Variants in DOCK3 observed in about 807,000 individuals in gnomAD.
DOCK3 encodes dedicator of cytokinesis 3.
Under a neutral mutation model 265.6 loss-of-function variants are expected in DOCK3, and 60 were observed. The ratio of observed to expected loss-of-function variants is 0.23; its 90% confidence interval spans 0.18 to 0.28. The LOEUF (loss-of-function observed/expected upper bound fraction) is 0.28, where lower values mean the gene tolerates loss of function less well. Ranked by LOEUF, DOCK3 falls within the 10% of genes least tolerant of loss-of-function variation. The pLI is 1.00. For synonymous variants in DOCK3, 881 were observed against 938.0 expected, an observed-to-expected ratio of 0.94 and a Z score of 1.11; for missense variants, 1,981 against 2,594.3, an observed-to-expected ratio of 0.76 and a Z score of 5.14.
intron 2 of DOCK3, among the ~76,000 whole-genome samples, chr3:50,807,467 A>G (rs1180881884): frequency 6.6e-6 from 1 of 151,188 alleles, no homozygotes; most frequent in East Asian, 1.9e-4. Context: ...TGACCCAGAC[A>G]CCTCCCATTG....
At chr3:50,901,637 G>C (rs763554432) in intron 4 of DOCK3, 1 of 453,886 alleles carries the variant, frequency 2.2e-6, no homozygotes, top group African/African-American at 2.0e-5. Flanking sequence ...TGTGGATTGC[G>C]AGGACCATGG....
intron 5 of DOCK3, among the ~76,000 whole-genome samples, chr3:50,955,597 A>G (rs1048057010): frequency 2.0e-5 from 3 of 152,132 alleles, no homozygotes; most frequent in African/African-American, 7.2e-5. Flanking sequence ...AAAACCAAAT[A>G]CTGGATGTTC....
intron 23 of DOCK3, among the ~76,000 whole-genome samples, chr3:51,263,020 C>T (rs2079945318): frequency 6.6e-6 from 1 of 152,144 alleles, no homozygotes; most frequent in African/African-American, 2.4e-5. Flanking sequence ...AGGAGAACTT[C>T]CTCAACCTAG....
At chr3:51,326,115 C>A (rs2084093111) in intron 32 of DOCK3, among the ~76,000 whole-genome samples, 1 of 151,646 alleles carries the variant, frequency 6.6e-6, no homozygotes. Context: ...TTTGTAATAT[C>A]CCTTTTTTGG....
intron 6 of DOCK3, among the ~76,000 whole-genome samples, chr3:51,070,943 G>A (rs4613496): frequency 0.9 from 137,096 of 152,122 alleles, 61,967 homozygotes; most frequent in African/African-American, 0.95. Context: ...TCCTGAAACT[G>A]TCCTAACCCC....
intron 20 of DOCK3, 29 bp downstream of exon 20, chr3:51,236,457 T>C: frequency 6.4e-7 from 1 of 1,569,008 alleles, no homozygotes; most frequent in South Asian, 1.2e-5. Flanking sequence ...TCTTTACTTT[T>C]ATTAATTATT....
intron 12 of DOCK3, among the ~76,000 whole-genome samples, chr3:51,205,610 G>A (rs2089154166): frequency 6.6e-6 from 1 of 152,104 alleles, no homozygotes; most frequent in South Asian, 2.1e-4. Context: ...ACTGAGGTAG[G>A]GGGATCACCT....
chr3:50,991,385 T>G (rs1338122696), intron 5 of DOCK3, among the ~76,000 whole-genome samples: 1 of 152,094 alleles, frequency 6.6e-6, no homozygotes. Context: ...AGGCTCAAAA[T>G]AAAGGGATGG....
rs999064750 is a variant in DOCK3 at position 50,773,882 on chromosome 3, G to A, written c.38-4793G>A. 2.0e-5 allele frequency among the ~76,000 whole-genome samples: 3 copies of A among 151,954 alleles called. No homozygotes were observed. The East Asian group carries it at 5.8e-4, about 29-fold the overall frequency. ...TCTGATGTTTCTTAACAATTCCCAA[G>A]CCTGTACAATATTAAGTGATAGAGC... is the stretch of plus-strand genomic sequence containing the variant. On this transcript the variant is annotated intron_variant, in intron 1 of 52. Transcript: ENST00000266037.
In DOCK3 at chr3:50,841,655, T is replaced by C. The variant is rs374134140; in HGVS notation, c.122-20T>C. Reference sequence around the variant, plus strand: ...GAACATGACATTGTGATTTTAATATTCTCTTATGCTTTGTTTTAGGTTGGT... The same window carrying C: ...GAACATGACATTGTGATTTTAATATCCTCTTATGCTTTGTTTTAGGTTGGT... On this transcript the variant is annotated intron_variant, in intron 2 of 52. Coordinates refer to ENST00000266037, the MANE Select transcript of DOCK3 (RefSeq NM_004947.5). 47 of 1,267,492 alleles carry C rather than the reference T, an allele frequency of 3.7e-5. No homozygotes were observed. In the African/African-American group the frequency reaches 6.5e-4, roughly 18 times the overall value. 78.5% of individuals were successfully genotyped at this position (1,267,492 alleles called of 1,614,324 possible).
At chr3:50,971,668 A>G (rs1041285298) in intron 5 of DOCK3, among the ~76,000 whole-genome samples, 3 of 152,060 alleles carry the variant, frequency 2.0e-5, no homozygotes, top group African/African-American at 7.2e-5. Flanking sequence ...CTGAGGCAGA[A>G]GCAGATGTGT....
At position 50,866,413 on chromosome 3, in the gene DOCK3, A is replaced by T. The variant is rs568671339; in HGVS notation, c.163-23613A>T. ...GGCAGAAGAATCCCTTGAACCAGGGAGTCAGAGGTTGTGGTTAGCTGAGAT... is the reference window on the plus strand; with the variant it reads ...GGCAGAAGAATCCCTTGAACCAGGGTGTCAGAGGTTGTGGTTAGCTGAGAT... On this transcript the variant is annotated intron_variant, in intron 3 of 52. Coordinates refer to ENST00000266037, the MANE Select transcript of DOCK3 (RefSeq NM_004947.5). Among the ~76,000 whole-genome samples the T allele has an allele frequency of 3.3e-5, 5 of 151,574 alleles. No individual in the cohort carries two copies. The South Asian group carries it at 1.0e-3, about 32-fold the overall frequency.
intron 23 of DOCK3, 84 bp from the exon 24 acceptor site, chr3:51,270,731 C>A: frequency 7.1e-7 from 1 of 1,409,470 alleles, no homozygotes; most frequent in Non-Finnish European, 9.6e-7. Context: ...CTCAGCCTCT[C>A]ACCACCTTGT....
intron 49 of DOCK3, among the ~76,000 whole-genome samples, chr3:51,367,967 T>A (rs2087362200): frequency 6.6e-6 from 1 of 152,220 alleles, no homozygotes; most frequent in Admixed American, 6.5e-5. Flanking sequence ...CAATTATGTG[T>A]CTTGGAGTTG....
chr3:51,253,448 C>G (rs923820614), intron 22 of DOCK3, among the ~76,000 whole-genome samples: 1 of 152,120 alleles, frequency 6.6e-6, no homozygotes, highest in East Asian at 1.9e-4. Context: ...GGTACCAGCT[C>G]CTCTTTATAC....
intron 9 of DOCK3, among the ~76,000 whole-genome samples, chr3:51,123,635 G>T (rs2084133733): frequency 6.6e-6 from 1 of 152,184 alleles, no homozygotes; most frequent in Admixed American, 6.5e-5. Context: ...TTCCAGCAAT[G>T]AAAATGTAGC....
intron 9 of DOCK3, among the ~76,000 whole-genome samples, chr3:51,092,580 C>T (rs1054241315): frequency 2.6e-5 from 4 of 152,210 alleles, no homozygotes; most frequent in Non-Finnish European, 4.4e-5. Flanking sequence ...CAGCTGTGGG[C>T]GCAGCTTCAG....
In DOCK3 at chr3:51,272,443, A is replaced by ATT. The variant is rs11371306; in HGVS notation, c.2548+1452_2548+1453dup. On this transcript the variant is annotated intron_variant, in intron 24 of 52. Transcript: ENST00000266037. Reference sequence around the variant, plus strand: ...AGGCATGCACCACCATGCCTGGCTAATTTTTTTTTTTTTTTTTGTATTTTT... The same window carrying ATT: ...AGGCATGCACCACCATGCCTGGCTAATTTTTTTTTTTTTTTTTTTGTATTTTT... Among the ~76,000 whole-genome samples the ATT allele has an allele frequency of 4.3e-3, 571 of 132,586 alleles. 5 individuals are homozygous for ATT. Among genetic ancestry groups the ATT allele is most frequent in the South Asian group, 7.1e-3 (28 of 3,950 alleles). 87.0% of individuals were successfully genotyped at this position (132,586 alleles called of 152,430 possible). A position where few individuals can be genotyped will look rare whatever the true frequency, so the allele number is the denominator to read the frequency against.
intron 9 of DOCK3, among the ~76,000 whole-genome samples, chr3:51,116,779 A>G (rs369912393): frequency 3.3e-5 from 5 of 152,168 alleles, no homozygotes; most frequent in East Asian, 1.9e-4. Flanking sequence ...TTATTGGTGT[A>G]TAGGAATGCT....
Sources: gnomAD v4.1 joint callset for allele counts (sites outside exome capture counted in the v4.1 genomes callset) on GRCh38, gnomAD v4.1.1 for gene constraint, MANE v1.5 for transcripts, NCBI Gene and HGNC (gene_info 2026-07-23, HGNC 2026-07-21) for gene names.